USP10: variants seen among roughly 807,000 people sequenced by gnomAD.
The protein encoded by USP10 is ubiquitin carboxyl-terminal hydrolase 10.
Under a neutral mutation model 84.5 loss-of-function variants are expected in USP10, and 22 were observed. That is an observed-to-expected ratio of 0.26 (90% CI 0.19 to 0.37). USP10 has a LOEUF of 0.37. Ranked by LOEUF, USP10 falls within the 10% of genes least tolerant of loss-of-function variation. USP10 has a pLI of 1.00. For missense variants in USP10, 1,019 were observed against 998.9 expected (o/e 1.02, Z -0.27); for synonymous variants, 454 against 387.6 (o/e 1.17, Z -2.01).
chr16:84,754,410 T>A (rs1171679877), intron 4 of USP10, among the ~76,000 whole-genome samples: 2 of 152,232 alleles, frequency 1.3e-5, no homozygotes, highest in Admixed American at 6.5e-5. Context: ...CGTACCAGAA[T>A]GGCCTTTCAA....
chr16:84,706,322 G>A (rs1483963005), intron 1 of USP10, among the ~76,000 whole-genome samples: 1 of 151,976 alleles, frequency 6.6e-6, no homozygotes, highest in East Asian at 1.9e-4. Context: ...AAAAACTTCT[G>A]ATACATTAAA....
intron 1 of USP10, among the ~76,000 whole-genome samples, chr16:84,721,269 A>G (rs1325562774): frequency 2.6e-5 from 4 of 152,196 alleles, no homozygotes; most frequent in Non-Finnish European, 4.4e-5. Context: ...TAAAAATCCC[A>G]GAGTGTGGAT....
At position 84,759,950 on chromosome 16, in the gene USP10, A is replaced by G. The variant is rs756348853; in HGVS notation, c.1450+4A>G. 6.2e-7 allele frequency: 1 copy of G among 1,613,932 alleles called. No homozygotes were observed. The highest frequency in any genetic ancestry group is 1.1e-5 in the South Asian group (1 of 91,086). ...GTACCTCCAAAACCCCGACAAGGTT[A>G]GTAAAAATGAGTTTTGTTGATGCTA... On this transcript the variant is annotated splice_donor_region_variant and intron_variant, in intron 7 of 13. Transcript: ENST00000219473.
At chr16:84,754,689 A>C (rs541231517) in intron 4 of USP10, among the ~76,000 whole-genome samples, 9 of 152,362 alleles carry the variant, frequency 5.9e-5, no homozygotes, top group Non-Finnish European at 8.8e-5. Flanking sequence ...TGATGTAGAA[A>C]CTAAAGGTTT....
Position 84,733,425 on chromosome 16 carries a change from T to C in USP10, c.22-10T>C, listed in dbSNP as rs182712405. 151 of 1,588,108 alleles carry C rather than the reference T, an allele frequency of 9.5e-5. 1 individual carries two copies. The East Asian group carries it at 3.3e-3, about 35-fold the overall frequency. ...TTTATGTGATCAGTGACTCTCTTAT[T>C]TTTTTTCAGTATATTTTTGGAGATT... On this transcript the variant is annotated splice_polypyrimidine_tract_variant and intron_variant, in intron 1 of 13. Transcript: ENST00000219473.
chr16:84,713,297 C>T (rs1181736739), intron 1 of USP10, among the ~76,000 whole-genome samples: 1 of 152,136 alleles, frequency 6.6e-6, no homozygotes, highest in Non-Finnish European at 1.5e-5. Flanking sequence ...ACAGGCTCGC[C>T]CCCTTTGTCC....
At chr16:84,725,189 C>T (rs1033198709) in intron 1 of USP10, among the ~76,000 whole-genome samples, 1 of 152,154 alleles carries the variant, frequency 6.6e-6, no homozygotes, top group Non-Finnish European at 1.5e-5. Context: ...CAGTCACCGC[C>T]TCCCGCTCCC....
intron 1 of USP10, among the ~76,000 whole-genome samples, chr16:84,727,491 A>C (rs1227688099): frequency 6.6e-6 from 1 of 150,816 alleles, no homozygotes; most frequent in Non-Finnish European, 1.5e-5. Context: ...AACAAACAAA[A>C]ACTCTTTATT....
At chr16:84,728,859 C>T (rs1055121333) in intron 1 of USP10, among the ~76,000 whole-genome samples, 11 of 152,156 alleles carry the variant, frequency 7.2e-5, no homozygotes, top group South Asian at 2.1e-4. Flanking sequence ...AGTGTAGTGG[C>T]ACCATCTTGG....
intron 10 of USP10, among the ~76,000 whole-genome samples, chr16:84,766,403 C>G (rs114677057): frequency 2.0e-5 from 3 of 152,254 alleles, no homozygotes; most frequent in African/African-American, 4.8e-5. Flanking sequence ...GTCTGTGGTT[C>G]CTTGGGACAC....
chr16:84,710,988 C>T (rs763536741), intron 1 of USP10, among the ~76,000 whole-genome samples: 3 of 152,180 alleles, frequency 2.0e-5, no homozygotes, highest in Non-Finnish European at 4.4e-5. Flanking sequence ...TGAACAACAA[C>T]AAAAATATGA....
At chr16:84,706,275 T>G (rs2150754290) in intron 1 of USP10, among the ~76,000 whole-genome samples, 1 of 152,260 alleles carries the variant, frequency 6.6e-6, no homozygotes, top group African/African-American at 2.4e-5. Context: ...AAAATGAAGT[T>G]CAATTCTAGA....
chr16:84,732,886 C>T (rs1443684849), intron 1 of USP10, among the ~76,000 whole-genome samples: 1 of 152,150 alleles, frequency 6.6e-6, no homozygotes, highest in Non-Finnish European at 1.5e-5. Flanking sequence ...GCAACAAGGG[C>T]TGTGTCTGTC....
chr16:84,760,143 G>T lies in USP10; in HGVS notation c.1451-29G>T, dbSNP rs2288017. 8 of 1,581,860 alleles carry T rather than the reference G, an allele frequency of 5.1e-6. No individual in the cohort carries two copies. In the Admixed American group the frequency reaches 1.5e-4, roughly 29 times the overall value. ...ATCATTTATGAGTTCATTGTAGTTA[G>T]GAAAACCTGTGTCCTCTTTCCATTG... On this transcript the variant is annotated intron_variant, in intron 7 of 13. Coordinates refer to ENST00000219473, the MANE Select transcript of USP10 (RefSeq NM_005153.3).
chr16:84,744,858 G>T lies in USP10; in HGVS notation c.377G>T (p.Gly126Val). The T allele has an allele frequency of 6.2e-7, 1 of 1,613,708 alleles. No individual in the cohort carries two copies. The highest frequency in any genetic ancestry group is 8.5e-7 in the Non-Finnish European group (1 of 1,179,700). ...QYPGSALALDGSSNVEAEVLE... is the reference protein window; with the variant it reads ...QYPGSALALDVSSNVEAEVLE... Reference sequence around the variant, plus strand: ...CCAGGCTCTGCCCTCGCTTTGGATGGAAGTTCTAATGTGGAGGCGGAAGTT... The same window carrying T: ...CCAGGCTCTGCCCTCGCTTTGGATGTAAGTTCTAATGTGGAGGCGGAAGTT... Residue 126 changes from glycine to valine, a missense_variant, in exon 4 of 14, where the codon GGA becomes GTA. By Grantham distance (109) the Gly-to-Val change is moderately radical. This residue lies in a region of USP10 where 787 missense variants were observed against 708.8 expected (regional missense o/e 1.11). Transcript: ENST00000219473.
chr16:84,754,611 C>G (rs1460430718), intron 4 of USP10, among the ~76,000 whole-genome samples: 2 of 152,150 alleles, frequency 1.3e-5, no homozygotes, highest in African/African-American at 4.8e-5. Context: ...AAAACTGAAA[C>G]TGCTTTTTAA....
intron 4 of USP10, among the ~76,000 whole-genome samples, chr16:84,749,900 G>A (rs765028751): frequency 1.1e-4 from 16 of 152,256 alleles, no homozygotes; most frequent in South Asian, 2.1e-4. Flanking sequence ...TTGTTCCATT[G>A]GCTGTTTTTC....
chr16:84,705,186 TC>T (rs1287742666), intron 1 of USP10, among the ~76,000 whole-genome samples: 1 of 152,058 alleles, frequency 6.6e-6, no homozygotes, highest in African/African-American at 2.4e-5. Flanking sequence ...AGTGAGAGTA[TC>T]CCTAATAAAA....
chr16:84,739,759 A>G (rs895723010), intron 2 of USP10, among the ~76,000 whole-genome samples: 1 of 152,232 alleles, frequency 6.6e-6, no homozygotes, highest in African/African-American at 2.4e-5. Context: ...TGTGACTTCT[A>G]GCTGTTAATG....
Sources: gnomAD v4.1 joint callset for allele counts (sites outside exome capture counted in the v4.1 genomes callset) on GRCh38, gnomAD v4.1.1 for gene constraint, gnomAD v4.1.1 regional missense constraint, MANE v1.5 for transcripts, NCBI Gene and HGNC (gene_info 2026-07-23, HGNC 2026-07-21) for gene names.